The following KIAA1217 variants were observed in gnomAD, a reference collection of about 807,000 sequenced individuals.
KIAA1217 encodes the protein sickle tail protein homolog.
KIAA1217 carries 88 observed loss-of-function variants against 163.9 expected under a neutral mutation model. That is an observed-to-expected ratio of 0.54 (90% CI 0.45 to 0.64). The LOEUF (loss-of-function observed/expected upper bound fraction) is 0.64. Among genes scored for constraint, KIAA1217 ranks in the 30% least tolerant of loss-of-function variants. The probability of loss-of-function intolerance (pLI) is 0.00; values close to 1 mark genes in which losing one functional copy is unlikely to be tolerated. For missense variants in KIAA1217, 2,372 were observed against 2,475.0 expected, an observed-to-expected ratio of 0.96 and a Z score of 0.88; for synonymous variants, 903 against 923.1, an observed-to-expected ratio of 0.98 and a Z score of 0.39.
chr10:24,160,095 C>T lies in KIAA1217; in HGVS notation c.-170-59531C>T, dbSNP rs558911860. Among the ~76,000 whole-genome samples, 3 of 152,274 alleles carry T rather than the reference C, an allele frequency of 2.0e-5. No individual in the cohort carries two copies. In the East Asian group the frequency reaches 5.8e-4, roughly 29 times the overall value. On this transcript the variant is annotated intron_variant, in intron 2 of 18. Coordinates refer to the KIAA1217 transcript ENST00000376462. The stretch of plus-strand genomic sequence containing the variant: ...TTGCCCATCTTTTCTCTGTTAATTC[C>T]ATGCTGTCTGGATTACGATAAATGC...
chr10:24,501,299 G>A, intron 8 of KIAA1217, 80 bp from the exon 9 acceptor site: 2 of 1,313,232 alleles, frequency 1.5e-6, no homozygotes, highest in South Asian at 1.4e-5. Flanking sequence ...AGAATTACCA[G>A]TCATCTGCAT....
At chr10:24,202,835 C>G (rs2067335704) in intron 2 of KIAA1217, among the ~76,000 whole-genome samples, 1 of 152,166 alleles carries the variant, frequency 6.6e-6, no homozygotes. Context: ...GCTCTTACAG[C>G]AATGCCCCCC....
At chr10:24,481,867 A>T (rs942949255) in intron 6 of KIAA1217, 2 of 152,186 alleles carry the variant, frequency 1.3e-5, no homozygotes, top group African/African-American at 4.8e-5. Context: ...TAATGAAAAG[A>T]TGTCATTTGG....
chr10:23,999,725 A>AG (rs1846656672), intron 1 of KIAA1217, among the ~76,000 whole-genome samples: 1 of 152,038 alleles, frequency 6.6e-6, no homozygotes, highest in Non-Finnish European at 1.5e-5. Context: ...GGGGAAATGT[A>AG]TTAGAACACT....
chr10:24,524,536 C>A lies in KIAA1217; in HGVS notation c.2670C>A (p.Ser890=). ...TGATGGTTCGCCACGCGCAGAGCTC[C>A]CCTGTGGTCATCCAGCCCTCCCAGC... The part of the protein sequence containing the change: ...SGMMVRHAQS[S]PVVIQPSQHS... The change falls in exon 13 of 21, where the codon TCC becomes TCA. Residue 890 remains serine (S), a synonymous_variant. Coordinates refer to ENST00000376454, the MANE Select transcript of KIAA1217 (RefSeq NM_019590.5). 1 of 1,614,018 alleles carries A rather than the reference C, an allele frequency of 6.2e-7. No homozygotes were observed. Among genetic ancestry groups the A allele is most frequent in the South Asian group, 1.1e-5 (1 of 91,086 alleles).
upstream of KIAA1217, among the ~76,000 whole-genome samples, chr10:24,205,151 T>C (rs2067474505): frequency 6.6e-6 from 1 of 152,036 alleles, no homozygotes; most frequent in African/African-American, 2.4e-5. Context: ...ATGATTTCTC[T>C]GTTGAAAAAC....
At chr10:24,490,287 A>T (rs2065945681) in intron 6 of KIAA1217, among the ~76,000 whole-genome samples, 1 of 152,360 alleles carries the variant, frequency 6.6e-6, no homozygotes, top group African/African-American at 2.4e-5. Context: ...ATTTTAAACC[A>T]AGCGATATTG....
chr10:24,179,422 CCTCCTGCT>C (rs1374953501), intron 2 of KIAA1217, among the ~76,000 whole-genome samples: 1 of 152,128 alleles, frequency 6.6e-6, no homozygotes, highest in East Asian at 1.9e-4. Context: ...CCCCTCACTT[CCTCCTGCT>C]CTGCTATGTG....
intron 2 of KIAA1217, among the ~76,000 whole-genome samples, chr10:24,251,145 G>A (rs1432710430): frequency 1.3e-5 from 2 of 152,002 alleles, no homozygotes; most frequent in African/African-American, 2.4e-5. Context: ...AGAATCACTT[G>A]AACCCAGGAG....
intron 1 of KIAA1217, among the ~76,000 whole-genome samples, chr10:23,904,926 C>T (rs1177071301): frequency 6.6e-6 from 1 of 151,484 alleles, no homozygotes; most frequent in Non-Finnish European, 1.5e-5. Context: ...AAATGTACCA[C>T]TTGGACACCA....
chr10:24,452,704 A>G (rs892881969), intron 5 of KIAA1217, among the ~76,000 whole-genome samples: 1 of 151,362 alleles, frequency 6.6e-6, no homozygotes, highest in African/African-American at 2.4e-5. Flanking sequence ...AAAAAATAGA[A>G]TGAATGAGAC....
At chr10:24,433,273 T>G in intron 4 of KIAA1217, 80 bp downstream of exon 4, 5 of 1,061,874 alleles carry the variant, frequency 4.7e-6, no homozygotes, top group Non-Finnish European at 6.8e-6. Context: ...TTTGAGGGGT[T>G]TTTTTTTACC....
At chr10:23,835,288 T>C (rs1433831224) in intron 1 of KIAA1217, among the ~76,000 whole-genome samples, 1 of 152,056 alleles carries the variant, frequency 6.6e-6, no homozygotes, top group Non-Finnish European at 1.5e-5. Flanking sequence ...CCAGACCAGA[T>C]GCTAATAGTA....
At chr10:23,968,518 G>A (rs946556839) in intron 1 of KIAA1217, among the ~76,000 whole-genome samples, 1 of 152,204 alleles carries the variant, frequency 6.6e-6, no homozygotes. Context: ...TCCATTTGAA[G>A]TGTACAGTGT....
intron 9 of KIAA1217, 28 bp from the exon 10 acceptor site, chr10:24,513,231 A>C (rs764761378): frequency 5.6e-6 from 9 of 1,610,590 alleles, no homozygotes; most frequent in Non-Finnish European, 7.6e-6. Context: ...GGCAGAGCCC[A>C]CTGAGGTTGA....
intron 1 of KIAA1217, among the ~76,000 whole-genome samples, chr10:23,800,394 C>A (rs557519481): frequency 1.3e-5 from 2 of 152,012 alleles, no homozygotes; most frequent in Non-Finnish European, 2.9e-5. Context: ...GAAATGTATA[C>A]CCTGTGGACC....
intron 2 of KIAA1217, among the ~76,000 whole-genome samples, chr10:24,312,488 G>A (rs564852925): frequency 1.3e-5 from 2 of 152,162 alleles, no homozygotes; most frequent in Admixed American, 6.5e-5. Context: ...GCGTGGTGGC[G>A]CATGCCTGTA....
chr10:24,219,503 G>GA lies in KIAA1217; in HGVS notation c.71-117dup, dbSNP rs530432444. The GA allele has an allele frequency of 2.9e-4, 213 of 726,964 alleles. 1 individual carries two copies. The African/African-American group carries it at 3.6e-3, about 12-fold the overall frequency. 45.0% of individuals were successfully genotyped at this position (726,964 alleles called of 1,614,324 possible). A position where few individuals can be genotyped will look rare whatever the true frequency, so the allele number is the denominator to read the frequency against. ...TGCAAAGCAGAAAAAGAAAGAAAAA[G>GA]AAAAAAGATTTGCGAAGTTAACATT... On this transcript the variant is annotated intron_variant, in intron 1 of 20. Coordinates refer to ENST00000376454, the MANE Select transcript of KIAA1217 (RefSeq NM_019590.5).
intron 1 of KIAA1217, among the ~76,000 whole-genome samples, chr10:23,729,474 T>A (rs935774289): frequency 1.3e-5 from 2 of 152,236 alleles, no homozygotes; most frequent in African/African-American, 4.8e-5. Flanking sequence ...GTGTCAGAGT[T>A]CTATATTTTG....
Sources: gnomAD v4.1 joint callset for allele counts (sites outside exome capture counted in the v4.1 genomes callset) on GRCh38, gnomAD v4.1.1 for gene constraint, MANE v1.5 for transcripts, NCBI Gene and HGNC (gene_info 2026-07-23, HGNC 2026-07-21) for gene names.